WIZ: variants seen among roughly 807,000 people sequenced by gnomAD.
WIZ encodes protein Wiz.
In WIZ, 25 loss-of-function variants were observed where a neutral mutation model predicts 140.2. The observed-to-expected ratio is 0.18, with a 90% confidence interval of 0.13 to 0.25. The LOEUF is 0.25. WIZ is among the 10% of genes least tolerant of loss of function. The pLI is 1.00. For missense variants in WIZ, 2,231 were observed against 2,632.6 expected (o/e 0.85, Z 3.34); for synonymous variants, 1,125 against 1,154.3 (o/e 0.97, Z 0.51).
Position 15,428,052 on chromosome 19 carries a change from C to T in WIZ, c.3814+58G>A. ...AGCAGGGAGGGGGCTGTGACCCCCC[C>T]CCCGGGAGGGGCTCCAGGGCCCGCA... On this transcript the variant is annotated intron_variant, in intron 8 of 12. Coordinates refer to ENST00000673675, the MANE Select transcript of WIZ (RefSeq NM_001371589.1). This position sits in a 1 kb window ranked among gnomAD's most constrained non-coding sequence, Gnocchi z 6.4. 6.6e-7 allele frequency: 1 copy of T among 1,516,936 alleles called. No individual in the cohort carries two copies. The highest frequency in any genetic ancestry group is 8.8e-7 in the Non-Finnish European group (1 of 1,139,340). 94.0% of individuals were successfully genotyped at this position (1,516,936 alleles called of 1,614,324 possible).
At position 15,424,015 on chromosome 19, in the gene WIZ, C is replaced by A; in HGVS notation, c.5510+168G>T. Reference sequence around the variant, plus strand: ...AGTTGGGATTTGAACCCAGGTCTCGCAGGCTACAAAGCTCAGGGTGTCAGC... The same window carrying A: ...AGTTGGGATTTGAACCCAGGTCTCGAAGGCTACAAAGCTCAGGGTGTCAGC... On this transcript the variant is annotated intron_variant, in intron 12 of 12. Transcript: ENST00000673675. The surrounding 1 kb of genome is among the most constrained non-coding windows in gnomAD (Gnocchi z 9.7). 1.8e-6 allele frequency: 1 copy of A among 570,730 alleles called. No individual in the cohort carries two copies. Among genetic ancestry groups the A allele is most frequent in the South Asian group, 3.4e-5 (1 of 29,062 alleles). 35.4% of individuals were successfully genotyped at this position (570,730 alleles called of 1,614,324 possible).
At position 15,438,765 on chromosome 19, in the gene WIZ, T is replaced by G. The variant is rs1599698485; in HGVS notation, c.2229A>C (p.Ala743=). Residue 743 remains alanine (A), a synonymous_variant, in exon 4 of 13, where the codon GCA becomes GCC. Coordinates refer to ENST00000673675, the MANE Select transcript of WIZ (RefSeq NM_001371589.1). ...GGCATTTCCGCTCCTCGTGCTTCAGTGCCATGGCCGGATCCCCATCCAGGA... is the reference window on the plus strand; with the variant it reads ...GGCATTTCCGCTCCTCGTGCTTCAGGGCCATGGCCGGATCCCCATCCAGGA... ...DTLLDGDPAM[A]LKHEERKCPY... 2.0e-6 allele frequency: 3 copies of G among 1,535,128 alleles called. No individual in the cohort carries two copies. The East Asian group carries it at 7.3e-5, about 38-fold the overall frequency.
At position 15,425,587 on chromosome 19, in the gene WIZ, C is replaced by T. The variant is rs541278964; in HGVS notation, c.4548G>A (p.Pro1516=). The T allele has an allele frequency of 3.7e-5, 59 of 1,613,558 alleles. No individual in the cohort carries two copies. The highest frequency in any genetic ancestry group is 1.1e-4 in the East Asian group (5 of 44,830). Residue 1516 remains proline, a synonymous_variant, in exon 10 of 13, where the codon CCG becomes CCA. Coordinates refer to ENST00000673675, the MANE Select transcript of WIZ (RefSeq NM_001371589.1). ...CCGGTGGCTCCTTCTTGATGAGGCA[C>T]GGCTTGGACTTCTTCTTGAGGATCT... ...LREILKKKSK[P]CLIKKEPPAG...
intron 12 of WIZ, 71 bp from the exon 13 acceptor site, chr19:15,423,306 T>C: frequency 6.5e-7 from 1 of 1,549,772 alleles, no homozygotes; most frequent in Non-Finnish European, 8.7e-7. Flanking sequence ...CTTGCCAGCA[T>C]CCCTGGGCAC....
Position 15,424,765 on chromosome 19 carries a change from A to T in WIZ, c.5162T>A (p.Leu1721Gln). 6.3e-7 allele frequency: 1 copy of T among 1,578,584 alleles called. No homozygotes were observed. The highest frequency in any genetic ancestry group is 8.6e-7 in the Non-Finnish European group (1 of 1,164,724). The change falls in exon 11 of 13, where the codon CTG becomes CAG. Residue 1721 changes from leucine (L) to glutamine (Q), a missense_variant. By Grantham distance (113) the Leu-to-Gln change is moderately radical (BLOSUM62 -2). Transcript: ENST00000673675. The surrounding 1 kb of genome is among the most constrained non-coding windows in gnomAD (Gnocchi z 9.7). ...GACCACGGCCAGGCCCCCGGGTGCC[A>T]GCCCCAGGGACGGCCGCTTGTCACT... is the stretch of plus-strand genomic sequence containing the variant. ...RDSDKRPSLG[L>Q]APGGLAVVGR...
intron 5 of WIZ, among the ~76,000 whole-genome samples, chr19:15,431,533 G>A (rs1969238043): frequency 6.6e-6 from 1 of 152,212 alleles, no homozygotes; most frequent in East Asian, 1.9e-4. Flanking sequence ...GGGTGAGGGT[G>A]GGAGGCACTC....
At chr19:15,446,824 C>CGA (rs1467882733) in intron 2 of WIZ, among the ~76,000 whole-genome samples, 1 of 152,226 alleles carries the variant, frequency 6.6e-6, no homozygotes, top group Non-Finnish European at 1.5e-5. Context: ...TCTATGAGAG[C>CGA]GAGGATGGTG....
In WIZ at chr19:15,442,970, C is replaced by T. The variant is rs1169224760; in HGVS notation, c.206-222G>A. ...GGGGACCCCAGGGCCTTGCTGCCTT[C>T]CAACCCTCCTCTCTTTCCCCCAACC... is the stretch of plus-strand genomic sequence containing the variant. On this transcript the variant is annotated intron_variant, in intron 2 of 12. Transcript: ENST00000673675. The surrounding 1 kb of genome is among the most constrained non-coding windows in gnomAD (Gnocchi z 5.5). Among the ~76,000 whole-genome samples the T allele has an allele frequency of 3.3e-5, 5 of 152,108 alleles. No homozygotes were observed. Among genetic ancestry groups the T allele is most frequent in the Admixed American group, 3.3e-4 (5 of 15,284 alleles).
chr19:15,440,297 C>T lies in WIZ; in HGVS notation c.697G>A (p.Val233Met), dbSNP rs1422986660. The stretch of plus-strand genomic sequence containing the variant: ...TCCAGATCTTCTCTGCCACCCACCA[C>T]CGCCATGTCCAGCGTCTTCGGGGTG... ...EDTPKTLDMA[V>M]VGGREDLEDL... Residue 233 changes from valine (V) to methionine (M), a missense_variant, in exon 4 of 13, where the codon GTG (valine) becomes ATG (methionine). By Grantham distance (21) the Val-to-Met change is conservative. Transcript: ENST00000673675. The surrounding 1 kb of genome is among the most constrained non-coding windows in gnomAD (Gnocchi z 6.2). The T allele has an allele frequency of 6.7e-7, 1 of 1,500,230 alleles. No homozygotes were observed. Among genetic ancestry groups the T allele is most frequent in the Non-Finnish European group, 8.9e-7 (1 of 1,127,120 alleles). 92.9% of individuals were successfully genotyped at this position (1,500,230 alleles called of 1,614,324 possible).
At chr19:15,438,547 T>C (rs1240054621) in intron 4 of WIZ, 31 bp downstream of exon 4, 1 of 1,472,740 alleles carries the variant, frequency 6.8e-7, no homozygotes, top group African/African-American at 1.4e-5. Context: ...GCCATGTGTC[T>C]CCTGGGCCTT....
chr19:15,424,490 A>G lies in WIZ; in HGVS notation c.5315-112T>C. The G allele has an allele frequency of 6.6e-7, 1 of 1,525,034 alleles. No homozygotes were observed. The highest frequency in any genetic ancestry group is 2.3e-5 in the East Asian group (1 of 42,714). The allele number at this position is 1,525,034 out of a possible 1,614,324, so 94.5% of individuals were successfully genotyped here. ...CCTGGATGGGTGGGATGGGGGATGG[A>G]TGGGTGAATGGGTAAGCAACTGGAG... is the stretch of plus-strand genomic sequence containing the variant. On this transcript the variant is annotated intron_variant, in intron 11 of 12. Coordinates refer to ENST00000673675, the MANE Select transcript of WIZ (RefSeq NM_001371589.1). The surrounding 1 kb of genome is among the most constrained non-coding windows in gnomAD (Gnocchi z 9.7).
In WIZ at chr19:15,420,359, TTAAG is replaced by T. The variant is rs1288862252; in HGVS notation, c.*2713_*2716del. 2.6e-5 allele frequency: 4 copies of T among 152,240 alleles called. No individual in the cohort carries two copies. Among genetic ancestry groups the T allele is most frequent in the Non-Finnish European group, 4.4e-5 (3 of 68,038 alleles). The allele number at this position is 152,240 out of a possible 1,614,324, so 9.4% of individuals were successfully genotyped here. ...ACGGAACAAAGCCACTTCTGATGTG[TTAAG>T]TGAGCAAACTCCAAACATGAAGCAG... On this transcript the variant is annotated 3_prime_UTR_variant, in exon 13 of 13. Coordinates refer to ENST00000673675, the MANE Select transcript of WIZ (RefSeq NM_001371589.1).
In WIZ at chr19:15,442,785, C is replaced by T. The variant is rs1228829952; in HGVS notation, c.206-37G>A. 5 of 1,216,704 alleles carry T rather than the reference C, an allele frequency of 4.1e-6. No individual in the cohort carries two copies. The highest frequency in any genetic ancestry group is 1.6e-5 in the African/African-American group (1 of 64,132). The allele number at this position is 1,216,704 out of a possible 1,614,324, so 75.4% of individuals were successfully genotyped here. On this transcript the variant is annotated intron_variant, in intron 2 of 12. Coordinates refer to ENST00000673675, the MANE Select transcript of WIZ (RefSeq NM_001371589.1). The surrounding 1 kb of genome is among the most constrained non-coding windows in gnomAD (Gnocchi z 5.5). ...AGGGGAGACCCTGAGGGGCTGGGGT[C>T]CCCCTGGCCGGGGCCCTCCACACCC... is the stretch of plus-strand genomic sequence containing the variant.
At chr19:15,443,197 G>A (rs1288594535) in intron 2 of WIZ, among the ~76,000 whole-genome samples, 2 of 152,190 alleles carry the variant, frequency 1.3e-5, no homozygotes, top group Non-Finnish European at 2.9e-5. Flanking sequence ...TTAGCCTCCT[G>A]AGTAGCTGGA....
chr19:15,428,215 T>TCAGCTTGGC lies in WIZ; in HGVS notation c.3700_3708dup (p.Ala1234_Leu1236dup). On this transcript the variant is annotated inframe_insertion, in exon 8 of 13. Transcript: ENST00000673675. This position sits in a 1 kb window ranked among gnomAD's most constrained non-coding sequence, Gnocchi z 6.4. ...CAGGGGCTGGCCATACCCGCGGCCT[T>TCAGCTTGGC]CAGCTTGGCCTTCTTGGCCGGCGGT... is the stretch of plus-strand genomic sequence containing the variant. 6.5e-7 allele frequency: 1 copy of TCAGCTTGGC among 1,533,432 alleles called. No individual in the cohort carries two copies. The highest frequency in any genetic ancestry group is 8.7e-7 in the Non-Finnish European group (1 of 1,146,344). The allele number at this position is 1,533,432 out of a possible 1,614,324, so 95.0% of individuals were successfully genotyped here. A position where few individuals can be genotyped will look rare whatever the true frequency, so the allele number is the denominator to read the frequency against.
Position 15,439,041 on chromosome 19 carries a change from C to T in WIZ, c.1953G>A (p.Pro651=), listed in dbSNP as rs1265707556. The part of the protein sequence containing the change: ...FSPLATPSLI[P]QAALELKQAF... ...CCTGCTTCAGCTCCAGGGCCGCCTG[C>T]GGGATGAGGCTGGGGGTGGCTAGGG... Residue 651 remains proline (P), a synonymous_variant, in exon 4 of 13, where the codon CCG becomes CCA. Transcript: ENST00000673675. The surrounding 1 kb of genome is among the most constrained non-coding windows in gnomAD (Gnocchi z 7.0). 5.3e-6 allele frequency: 8 copies of T among 1,497,442 alleles called. No individual in the cohort carries two copies. The highest frequency in any genetic ancestry group is 1.4e-5 in the African/African-American group (1 of 71,694). 92.8% of individuals were successfully genotyped at this position (1,497,442 alleles called of 1,614,324 possible).
chr19:15,426,913 C>G (rs1968859438), intron 9 of WIZ, 69 bp downstream of exon 9: 5 of 1,530,164 alleles, frequency 3.3e-6, no homozygotes, highest in Non-Finnish European at 4.4e-6. Context: ...ACTCTGGATA[C>G]CCCCAAGGGG....
At position 15,428,623 on chromosome 19, in the gene WIZ, G is replaced by T. The variant is rs1288456793; in HGVS notation, c.3416-115C>A. ...CTGCTCAGGCAGTTGGGGGGTCCAA[G>T]ACTCAGGCCGCAGATTTCTTTTGAA... is the stretch of plus-strand genomic sequence containing the variant. On this transcript the variant is annotated intron_variant, in intron 7 of 12. Coordinates refer to ENST00000673675, the MANE Select transcript of WIZ (RefSeq NM_001371589.1). The surrounding 1 kb of genome is among the most constrained non-coding windows in gnomAD (Gnocchi z 6.4). 1.6e-5 allele frequency: 20 copies of T among 1,260,874 alleles called. No homozygotes were observed. The highest frequency in any genetic ancestry group is 2.2e-5 in the Non-Finnish European group (20 of 916,648). The allele number at this position is 1,260,874 out of a possible 1,614,324, so 78.1% of individuals were successfully genotyped here. A position where few individuals can be genotyped will look rare whatever the true frequency, so the allele number is the denominator to read the frequency against.
chr19:15,432,061 G>A (rs1354071304), intron 5 of WIZ, among the ~76,000 whole-genome samples: 1 of 152,186 alleles, frequency 6.6e-6, no homozygotes, highest in African/African-American at 2.4e-5. Flanking sequence ...GCAAAGAGTA[G>A]GCGCTGAGGA....
Sources: allele counts gnomAD v4.1 joint callset (sites outside exome capture counted in the v4.1 genomes callset), GRCh38; gene constraint gnomAD v4.1.1; non-coding constraint Gnocchi (gnomAD v3.1); transcripts MANE v1.5; gene names NCBI Gene and HGNC (gene_info 2026-07-23, HGNC 2026-07-21).